The following GLCE variants were observed in gnomAD, a reference collection of about 807,000 sequenced individuals.
GLCE encodes glucuronic acid epimerase, also known as D-glucuronyl C5-epimerase.
Under a neutral mutation model 47.9 loss-of-function variants are expected in GLCE, and 19 were observed. The ratio of observed to expected loss-of-function variants is 0.40; its 90% CI spans 0.28 to 0.58. GLCE has a LOEUF of 0.58. Among genes scored for constraint, GLCE ranks in the 20% least tolerant of loss-of-function variants. The pLI is 0.48. For missense variants in GLCE, 556 were observed against 743.3 expected (o/e 0.75, Z 2.93); for synonymous variants, 245 against 263.4 (o/e 0.93, Z 0.68).
chr15:69,169,116 A>G (rs12185132), intron 1 of GLCE, among the ~76,000 whole-genome samples: 1 of 152,006 alleles, frequency 6.6e-6, no homozygotes, highest in African/African-American at 2.4e-5. Flanking sequence ...TTTTATGTCT[A>G]ATTTCCTGTG....
At chr15:69,220,602 G>A (rs529020553) in intron 2 of GLCE, among the ~76,000 whole-genome samples, 19 of 152,194 alleles carry the variant, frequency 1.2e-4, no homozygotes, top group Admixed American at 2.0e-4. Flanking sequence ...GTCTATTCAA[G>A]TTCTTTGCCC....
Position 69,160,993 on chromosome 15 carries a change from G to C in GLCE, c.-105+236G>C, listed in dbSNP as rs1455736540. Among the ~76,000 whole-genome samples the C allele has an allele frequency of 2.6e-5, 4 of 151,730 alleles. No individual in the cohort carries two copies. Among genetic ancestry groups the C allele is most frequent in the African/African-American group, 9.7e-5 (4 of 41,300 alleles). On this transcript the variant is annotated intron_variant, in intron 1 of 4. Transcript: ENST00000261858. This position sits in a 1 kb window ranked among gnomAD's most constrained non-coding sequence, Gnocchi z 4.2. ...GTGCCGGAGCTCCCGAGGTGAGGGG[G>C]CAATGTATTAGGGATCCTGGGGGCT... is the stretch of plus-strand genomic sequence containing the variant.
chr15:69,268,205 T>C lies in GLCE; in HGVS notation c.830-15T>C, dbSNP rs2053112125. 2.0e-6 allele frequency: 3 copies of C among 1,526,386 alleles called. No individual in the cohort carries two copies. The highest frequency in any genetic ancestry group is 2.7e-6 in the Non-Finnish European group (3 of 1,128,658). 94.6% of individuals were successfully genotyped at this position (1,526,386 alleles called of 1,614,324 possible). ...TTATTCTAACCAGTCTTTGTTGGTA[T>C]ATTCTCCCCTACAGAAACCAGTGAA... On this transcript the variant is annotated splice_polypyrimidine_tract_variant and intron_variant, in intron 4 of 4. Transcript: ENST00000261858.
At chr15:69,201,192 T>G (rs56198488) in intron 1 of GLCE, among the ~76,000 whole-genome samples, 5,882 of 152,220 alleles carry the variant, frequency 0.039, 381 homozygotes, top group African/African-American at 0.13. Context: ...CTCAAGTTCC[T>G]TAACCTTAAT....
At chr15:69,196,006 A>G (rs1314937317) in intron 1 of GLCE, among the ~76,000 whole-genome samples, 3 of 152,162 alleles carry the variant, frequency 2.0e-5, no homozygotes, top group Non-Finnish European at 4.4e-5. Flanking sequence ...AGATAGCAAA[A>G]TAAAGGAGGG....
intron 1 of GLCE, among the ~76,000 whole-genome samples, chr15:69,187,784 C>T (rs554192821): frequency 5.9e-5 from 9 of 152,208 alleles, no homozygotes; most frequent in South Asian, 2.1e-4. Context: ...TACTTGGGGC[C>T]GGCCATGGTG....
At chr15:69,229,341 A>G (rs182551442) in intron 2 of GLCE, among the ~76,000 whole-genome samples, 22 of 152,220 alleles carry the variant, frequency 1.4e-4, no homozygotes, top group Admixed American at 1.0e-3. Context: ...AGAACAAATG[A>G]AGTGAGCCCA....
At chr15:69,253,123 C>T (rs962403910) in intron 2 of GLCE, among the ~76,000 whole-genome samples, 9 of 152,132 alleles carry the variant, frequency 5.9e-5, no homozygotes, top group Non-Finnish European at 1.0e-4. Context: ...CCCAACTATA[C>T]CCTCTTCTCC....
chr15:69,236,187 G>C (rs1429786412), intron 2 of GLCE, among the ~76,000 whole-genome samples: 1 of 143,918 alleles, frequency 6.9e-6, no homozygotes, highest in Non-Finnish European at 1.5e-5. Context: ...GTGGACATTT[G>C]GGTTGTTTCC....
chr15:69,267,736 CT>C (rs2053105340), intron 4 of GLCE, among the ~76,000 whole-genome samples: 3 of 151,966 alleles, frequency 2.0e-5, no homozygotes. Flanking sequence ...GTGTAAAGCC[CT>C]TAGAACATAG....
At chr15:69,166,477 A>T (rs1193884434) in intron 1 of GLCE, among the ~76,000 whole-genome samples, 1 of 152,230 alleles carries the variant, frequency 6.6e-6, no homozygotes. Context: ...GATTGATTGG[A>T]CTTTAGAGAC....
At chr15:69,181,578 A>G (rs2051749509) in intron 1 of GLCE, among the ~76,000 whole-genome samples, 1 of 152,200 alleles carries the variant, frequency 6.6e-6, no homozygotes, top group Non-Finnish European at 1.5e-5. Flanking sequence ...GAGAACTGGT[A>G]ATTGAATTGG....
At chr15:69,203,984 G>A (rs941359639) in intron 1 of GLCE, among the ~76,000 whole-genome samples, 4 of 152,032 alleles carry the variant, frequency 2.6e-5, no homozygotes, top group Non-Finnish European at 4.4e-5. Flanking sequence ...TAAATAACAT[G>A]ATAGAAAGTG....
At chr15:69,192,752 A>G (rs1272306388) in intron 1 of GLCE, among the ~76,000 whole-genome samples, 1 of 152,132 alleles carries the variant, frequency 6.6e-6, no homozygotes, top group East Asian at 1.9e-4. Flanking sequence ...GGGAGAATCT[A>G]GAGTAGCCTT....
At chr15:69,200,623 C>G (rs1475853091) in intron 1 of GLCE, among the ~76,000 whole-genome samples, 1 of 152,008 alleles carries the variant, frequency 6.6e-6, no homozygotes, top group Admixed American at 6.6e-5. Context: ...ATGATCAGAT[C>G]AAAGCATTTC....
In GLCE at chr15:69,269,019, A is replaced by G; in HGVS notation, c.1629A>G (p.Glu543=). 1.2e-6 allele frequency: 2 copies of G among 1,614,090 alleles called. No homozygotes were observed. The highest frequency in any genetic ancestry group is 1.7e-6 in the Non-Finnish European group (2 of 1,179,922). Residue 543 remains glutamate, a synonymous_variant, in exon 5 of 5, where the codon GAA becomes GAG. Coordinates refer to ENST00000261858, the MANE Select transcript of GLCE (RefSeq NM_015554.3). ...GGTCCTTGTATGAGCGTGGCATGGAATCTCTTAAAGCCATGCTGCCCTTGT... is the reference window on the plus strand; with the variant it reads ...GGTCCTTGTATGAGCGTGGCATGGAGTCTCTTAAAGCCATGCTGCCCTTGT... The part of the protein sequence containing the change: ...EARSLYERGM[E]SLKAMLPLYD...
At chr15:69,230,663 A>C (rs1017846488) in intron 2 of GLCE, among the ~76,000 whole-genome samples, 1 of 152,230 alleles carries the variant, frequency 6.6e-6, no homozygotes, top group Non-Finnish European at 1.5e-5. Flanking sequence ...TAAAGTGCAC[A>C]TTCTATTCTA....
chr15:69,268,155 T>C, intron 4 of GLCE, 65 bp from the exon 5 acceptor site: 1 of 1,019,730 alleles, frequency 9.8e-7, no homozygotes, highest in Non-Finnish European at 1.4e-6. Flanking sequence ...TGAATTGCAA[T>C]TCAATTTCAA....
intron 1 of GLCE, among the ~76,000 whole-genome samples, chr15:69,181,843 GA>G (rs2051753111): frequency 6.6e-6 from 1 of 151,832 alleles, no homozygotes; most frequent in Non-Finnish European, 1.5e-5. Flanking sequence ...AGGAGGCTGA[GA>G]AAAAAATGGA....
Sources: gnomAD v4.1 joint callset for allele counts (sites outside exome capture counted in the v4.1 genomes callset) on GRCh38, gnomAD v4.1.1 for gene constraint, Gnocchi (gnomAD v3.1) non-coding constraint, MANE v1.5 for transcripts, NCBI Gene and HGNC (gene_info 2026-07-23, HGNC 2026-07-21) for gene names.